The following ZNF148 variants were observed in gnomAD, a reference collection of about 807,000 sequenced individuals.
The protein encoded by ZNF148 is Beta-Enolase Repressor Factor-1.
Under a neutral mutation model 67.7 loss-of-function variants are expected in ZNF148, and 7 were observed. That is an observed-to-expected ratio of 0.10 (90% CI 0.06 to 0.19). The LOEUF is 0.19. Ranked by LOEUF, ZNF148 falls within the 10% of genes least tolerant of loss-of-function variation. The pLI, the probability that ZNF148 is intolerant of heterozygous loss-of-function variation, is 1.00. For missense variants in ZNF148, 583 were observed against 947.1 expected (o/e 0.62, Z 5.05); for synonymous variants, 333 against 330.7 (o/e 1.01, Z -0.08).
intron 4 of ZNF148, among the ~76,000 whole-genome samples, chr3:125,293,389 C>G (rs1939120176): frequency 6.6e-6 from 1 of 152,114 alleles, no homozygotes; most frequent in African/African-American, 2.4e-5. Context: ...AGCTTGTTTG[C>G]TGAGGTCACT....
Position 125,228,672 on chromosome 3 carries a change from A to G in ZNF148, c.*3669T>C, listed in dbSNP as rs1173799218. ...AGACAATACAAATTAGCACATTGGTACTCACTTCAAAACAAATGGAATGCA... is the reference window on the plus strand; with the variant it reads ...AGACAATACAAATTAGCACATTGGTGCTCACTTCAAAACAAATGGAATGCA... On this transcript the variant is annotated 3_prime_UTR_variant, in exon 9 of 9. Coordinates refer to ENST00000360647, the MANE Select transcript of ZNF148 (RefSeq NM_021964.3). The G allele has an allele frequency of 6.6e-6, 1 of 152,586 alleles. No individual in the cohort carries two copies. The highest frequency in any genetic ancestry group is 1.5e-5 in the Non-Finnish European group (1 of 68,004). 9.5% of individuals were successfully genotyped at this position (152,586 alleles called of 1,614,324 possible).
chr3:125,251,068 T>C (rs1936820355), intron 7 of ZNF148, among the ~76,000 whole-genome samples: 2 of 152,208 alleles, frequency 1.3e-5, no homozygotes, highest in Admixed American at 1.3e-4. Context: ...AACTTTTTAC[T>C]AGAGTGTAAC....
At chr3:125,346,430 A>C (rs1178801380) in intron 1 of ZNF148, among the ~76,000 whole-genome samples, 1 of 152,178 alleles carries the variant, frequency 6.6e-6, no homozygotes, top group African/African-American at 2.4e-5. Flanking sequence ...TCTTGCTACT[A>C]CTTCTATTCA....
chr3:125,265,130 GT>G (rs1278585196), intron 7 of ZNF148, among the ~76,000 whole-genome samples: 1 of 152,204 alleles, frequency 6.6e-6, no homozygotes, highest in East Asian at 1.9e-4. Flanking sequence ...TGCTAAGATA[GT>G]CTGTTACTAC....
chr3:125,325,035 G>C (rs1457779993), intron 2 of ZNF148, among the ~76,000 whole-genome samples: 1 of 152,052 alleles, frequency 6.6e-6, no homozygotes, highest in Admixed American at 6.6e-5. Flanking sequence ...TCACAATCCA[G>C]AGTTGTTACA....
At chr3:125,329,387 A>T (rs1384834891) in intron 2 of ZNF148, among the ~76,000 whole-genome samples, 1 of 142,294 alleles carries the variant, frequency 7.0e-6, no homozygotes, top group Non-Finnish European at 1.5e-5. Context: ...TTAAAGACAG[A>T]GTCTCGCTCT....
intron 7 of ZNF148, among the ~76,000 whole-genome samples, chr3:125,273,402 C>T (rs1379096323): frequency 6.6e-6 from 1 of 151,590 alleles, no homozygotes; most frequent in Non-Finnish European, 1.5e-5. Flanking sequence ...GAACTAAAGG[C>T]TTAAAAAAGA....
chr3:125,336,286 C>T lies in ZNF148; in HGVS notation c.-233-5048G>A, dbSNP rs543581202. On this transcript the variant is annotated intron_variant, in intron 1 of 8. Coordinates refer to ENST00000360647, the MANE Select transcript of ZNF148 (RefSeq NM_021964.3). ...ACTAAAAATGCTTACAGTCCTTTAG[C>T]ATCTTTTAACTAGAGCACATTTTAC... is the stretch of plus-strand genomic sequence containing the variant. Among the ~76,000 whole-genome samples, 5 of 152,302 alleles carry T rather than the reference C, an allele frequency of 3.3e-5. No individual in the cohort carries two copies. The East Asian group carries it at 9.6e-4, about 29-fold the overall frequency.
intron 4 of ZNF148, among the ~76,000 whole-genome samples, chr3:125,310,413 ATTG>A (rs1940139275): frequency 6.6e-6 from 1 of 152,172 alleles, no homozygotes; most frequent in Admixed American, 6.5e-5. Flanking sequence ...TTTAAAATAT[ATTG>A]AACTAAATGA....
At chr3:125,365,637 T>G (rs1234482862) in intron 1 of ZNF148, among the ~76,000 whole-genome samples, 1 of 152,006 alleles carries the variant, frequency 6.6e-6, no homozygotes, top group South Asian at 2.1e-4. Context: ...GGCAACATGG[T>G]GAGACCACAT....
At chr3:125,234,360 A>T in intron 7 of ZNF148, 31 bp from the exon 8 acceptor site, 1 of 1,420,652 alleles carries the variant, frequency 7.0e-7, no homozygotes, top group South Asian at 1.3e-5. Context: ...TTTAAAACAA[A>T]ACAAATATTG....
At chr3:125,326,849 T>C (rs192900470) in intron 2 of ZNF148, among the ~76,000 whole-genome samples, 115 of 141,212 alleles carry the variant, frequency 8.1e-4, no homozygotes, top group African/African-American at 2.7e-3. Context: ...TACAGATATA[T>C]ATGTATATAA....
At chr3:125,350,448 G>C (rs1164128538) in intron 1 of ZNF148, among the ~76,000 whole-genome samples, 1 of 152,152 alleles carries the variant, frequency 6.6e-6, no homozygotes, top group African/African-American at 2.4e-5. Flanking sequence ...TGGGATAACA[G>C]GCGTGAGCCA....
At chr3:125,332,155 A>G (rs764538804) in intron 1 of ZNF148, among the ~76,000 whole-genome samples, 21 of 152,202 alleles carry the variant, frequency 1.4e-4, no homozygotes, top group Non-Finnish European at 3.1e-4. Flanking sequence ...ATCAAGGACT[A>G]CAAACAGTAC....
intron 7 of ZNF148, among the ~76,000 whole-genome samples, chr3:125,248,793 T>C (rs1286099813): frequency 6.6e-6 from 1 of 152,194 alleles, no homozygotes; most frequent in Non-Finnish European, 1.5e-5. Flanking sequence ...GACTCAGAAT[T>C]AGTGACAAAT....
chr3:125,235,962 AG>A (rs530538175), intron 7 of ZNF148, among the ~76,000 whole-genome samples: 84 of 57,392 alleles, frequency 1.5e-3, no homozygotes, highest in Non-Finnish European at 2.3e-3. Flanking sequence ...GGGTGGGGGG[AG>A]GGGGGAGGGA....
At chr3:125,364,148 C>T (rs1391441515) in intron 1 of ZNF148, among the ~76,000 whole-genome samples, 1 of 152,166 alleles carries the variant, frequency 6.6e-6, no homozygotes, top group East Asian at 1.9e-4. Flanking sequence ...CCTGTAATCC[C>T]AGCACTCTGG....
At chr3:125,336,824 G>A (rs1260039757) in intron 1 of ZNF148, among the ~76,000 whole-genome samples, 2 of 151,268 alleles carry the variant, frequency 1.3e-5, no homozygotes, top group Non-Finnish European at 1.5e-5. Flanking sequence ...CTACAGGCGC[G>A]TGCCTCCATG....
At chr3:125,308,893 A>C (rs2107665125) in intron 4 of ZNF148, among the ~76,000 whole-genome samples, 1 of 152,366 alleles carries the variant, frequency 6.6e-6, no homozygotes, top group South Asian at 2.1e-4. Flanking sequence ...ATATTAATTA[A>C]AATGACTAAA....
Sources: gnomAD v4.1 joint callset for allele counts (sites outside exome capture counted in the v4.1 genomes callset) on GRCh38, gnomAD v4.1.1 for gene constraint, MANE v1.5 for transcripts, NCBI Gene and HGNC (gene_info 2026-07-23, HGNC 2026-07-21) for gene names.